The following ORC3 variants were observed in gnomAD, a reference collection of about 807,000 sequenced individuals.
ORC3 encodes the protein origin recognition complex subunit 3.
Under a neutral mutation model 100.7 loss-of-function variants are expected in ORC3, and 78 were observed. That is an observed-to-expected ratio of 0.77 (90% CI 0.65 to 0.94). The LOEUF is 0.94. Ranked by LOEUF, ORC3 falls within the 40% of genes least tolerant of loss-of-function variation. ORC3 has a pLI of 0.00. For synonymous variants in ORC3, 295 were observed against 289.3 expected (o/e 1.02, Z -0.20); for missense variants, 789 against 823.9 (o/e 0.96, Z 0.52).
chr6:87,629,007 T>C (rs960465240), intron 11 of ORC3, among the ~76,000 whole-genome samples: 7 of 152,292 alleles, frequency 4.6e-5, no homozygotes, highest in Admixed American at 6.5e-5. Flanking sequence ...TCTATACTGC[T>C]GAGGTAGGAA....
intron 1 of ORC3, among the ~76,000 whole-genome samples, chr6:87,592,490 A>G (rs545766085): frequency 6.0e-4 from 92 of 152,196 alleles, no homozygotes; most frequent in Non-Finnish European, 9.9e-4. Flanking sequence ...TTAGCCTGGC[A>G]TGTTGGTGGG....
chr6:87,646,790 A>G (rs909009556), intron 13 of ORC3, among the ~76,000 whole-genome samples: 1 of 152,186 alleles, frequency 6.6e-6, no homozygotes, highest in African/African-American at 2.4e-5. Context: ...TCGTAAGCCT[A>G]TACCTCTCTC....
At position 87,605,807 on chromosome 6, in the gene ORC3, T is replaced by C. The variant is rs531847676; in HGVS notation, c.323-110T>C. On this transcript the variant is annotated intron_variant, in intron 4 of 19. Transcript: ENST00000392844. ...AGTATATTTCCTTGGTTTCTGTTAT[T>C]AATCATTTTTTAAATGTTTTTACTT... The C allele has an allele frequency of 4.8e-6, 3 of 620,372 alleles. No individual in the cohort carries two copies. In the South Asian group the frequency reaches 6.4e-5, roughly 13 times the overall value. 38.4% of individuals were successfully genotyped at this position (620,372 alleles called of 1,614,324 possible).
intron 2 of ORC3, among the ~76,000 whole-genome samples, chr6:87,598,201 T>A (rs1033089084): frequency 2.3e-4 from 35 of 152,152 alleles, no homozygotes; most frequent in African/African-American, 5.3e-4. Context: ...TTATTTATTT[T>A]TTTTTTAAGG....
At chr6:87,636,725 A>G (rs745686510) in intron 13 of ORC3, among the ~76,000 whole-genome samples, 6 of 152,216 alleles carry the variant, frequency 3.9e-5, no homozygotes, top group Non-Finnish European at 8.8e-5. Flanking sequence ...AGGAAAATCC[A>G]TGATTGTTTA....
intron 19 of ORC3, among the ~76,000 whole-genome samples, chr6:87,666,113 T>C (rs1206863029): frequency 6.6e-6 from 1 of 152,190 alleles, no homozygotes; most frequent in East Asian, 1.9e-4. Flanking sequence ...AATTCTCTTT[T>C]TTTGGTTTTT....
chr6:87,623,790 A>G (rs1287244584), intron 11 of ORC3, among the ~76,000 whole-genome samples: 1 of 152,112 alleles, frequency 6.6e-6, no homozygotes, highest in Non-Finnish European at 1.5e-5. Context: ...AGGCTGAGGC[A>G]GGAGAATCAC....
chr6:87,673,154 ATTTTTTTTTTT>A, the ORC3 span, among the ~76,000 whole-genome samples: 2 of 65,880 alleles, frequency 3.0e-5, no homozygotes, highest in Middle Eastern at 0.011. Context: ...AAAAAAAAAA[ATTTTTTTTTTT>A]TTTTTTTTTT....
intron 13 of ORC3, among the ~76,000 whole-genome samples, chr6:87,639,825 C>CAAAAAAAAAA (rs548788316): frequency 1.3e-3 from 78 of 58,348 alleles, no homozygotes; most frequent in African/African-American, 1.9e-3. Context: ...GCCAAAAATA[C>CAAAAAAAAAA]AAAAAAAAAA....
At chr6:87,592,889 C>T (rs1223065757) in intron 1 of ORC3, among the ~76,000 whole-genome samples, 5 of 151,984 alleles carry the variant, frequency 3.3e-5, no homozygotes, top group East Asian at 1.9e-4. Context: ...ATCAGGAGTG[C>T]GAGACCAGCC....
downstream of ORC3, among the ~76,000 whole-genome samples, chr6:87,668,084 T>A (rs141776786): frequency 2.0e-5 from 3 of 152,298 alleles, no homozygotes; most frequent in Non-Finnish European, 2.9e-5. Context: ...GACATCTCGA[T>A]CTCTTCTATG....
chr6:87,599,482 C>G (rs9450757), intron 2 of ORC3, among the ~76,000 whole-genome samples: 15 of 151,730 alleles, frequency 9.9e-5, no homozygotes, highest in African/African-American at 3.6e-4. Context: ...ATTCTCCTGC[C>G]TCAGCCTCCT....
At chr6:87,598,734 C>G (rs1044635750) in intron 2 of ORC3, among the ~76,000 whole-genome samples, 2 of 151,774 alleles carry the variant, frequency 1.3e-5, no homozygotes, top group South Asian at 4.2e-4. Flanking sequence ...AGGAATTGAC[C>G]CTGATTATAA....
rs2307377 is a variant in ORC3, at chr6:87,657,917, A to G, written c.1594-4A>G. Reference sequence around the variant, plus strand: ...CCAGAAAAGCTATGTTCTTTTATCTATAGTCCTTATTGGAAATGAAGGAGT... The same window carrying G: ...CCAGAAAAGCTATGTTCTTTTATCTGTAGTCCTTATTGGAAATGAAGGAGT... On this transcript the variant is annotated splice_region_variant and splice_polypyrimidine_tract_variant and intron_variant, in intron 15 of 19. Coordinates refer to ENST00000392844, the MANE Select transcript of ORC3 (RefSeq NM_012381.4). 109,280 of 1,449,330 alleles carry G rather than the reference A, an allele frequency of 0.075. 4,394 individuals are homozygous for G. Among genetic ancestry groups the G allele is most frequent in the East Asian group, 0.093 (4,116 of 44,060 alleles). 89.8% of individuals were successfully genotyped at this position (1,449,330 alleles called of 1,614,324 possible).
At chr6:87,660,902 T>TAATG (rs1454351045) in intron 16 of ORC3, among the ~76,000 whole-genome samples, 2 of 152,248 alleles carry the variant, frequency 1.3e-5, no homozygotes, top group African/African-American at 4.8e-5. Context: ...TTCTAATGTA[T>TAATG]AATGTATTTT....
chr6:87,631,351 A>G (rs1054946403), intron 11 of ORC3, among the ~76,000 whole-genome samples: 5 of 152,240 alleles, frequency 3.3e-5, no homozygotes, highest in Non-Finnish European at 5.9e-5. Flanking sequence ...TGTAAACACA[A>G]TTATGAAACA....
intron 2 of ORC3, among the ~76,000 whole-genome samples, chr6:87,598,197 AT>A (rs1167864752): frequency 3.4e-5 from 5 of 147,976 alleles, no homozygotes; most frequent in African/African-American, 1.2e-4. Flanking sequence ...TAATTTATTT[AT>A]TTTTTTTTTA....
chr6:87,598,915 C>T (rs951115067), intron 2 of ORC3, among the ~76,000 whole-genome samples: 11 of 152,172 alleles, frequency 7.2e-5, no homozygotes, highest in Non-Finnish European at 1.5e-4. Context: ...TGGTAACTCT[C>T]CCTCTCCTCA....
At chr6:87,673,208 T>A in the ORC3 span, among the ~76,000 whole-genome samples, 2 of 132,030 alleles carry the variant, frequency 1.5e-5, no homozygotes, top group Non-Finnish European at 3.1e-5. Flanking sequence ...TCACCCAGAC[T>A]GGAGTGCAGT....
Sources: allele counts gnomAD v4.1 joint callset (sites outside exome capture counted in the v4.1 genomes callset), GRCh38; gene constraint gnomAD v4.1.1; transcripts MANE v1.5; gene names NCBI Gene and HGNC (gene_info 2026-07-23, HGNC 2026-07-21).